The following LTF variants were observed in gnomAD, a reference collection of about 807,000 sequenced individuals.
LTF encodes lactotransferrin.
In LTF, 91 loss-of-function variants were observed where a neutral mutation model predicts 87.2. The observed-to-expected ratio is 1.04, with a 90% CI of 0.88 to 1.24. The LOEUF is 1.24. Among genes scored for constraint, LTF ranks in the 50% most tolerant of loss-of-function variants. The pLI, the probability that LTF is intolerant of heterozygous loss-of-function variation, is 0.00. For missense variants in LTF, 901 were observed against 904.3 expected, an observed-to-expected ratio of 1.00 and a Z score of 0.05; for synonymous variants, 378 against 356.1, an observed-to-expected ratio of 1.06 and a Z score of -0.69.
chr3:46,472,523 T>TGAGA (rs1454860019), intron 1 of LTF, among the ~76,000 whole-genome samples: 27 of 146,322 alleles, frequency 1.8e-4, no homozygotes, highest in African/African-American at 7.3e-4. Context: ...TGTGTGTGTG[T>TGAGA]GTGTGAGAGA....
In LTF at chr3:46,439,347, C is replaced by T. The variant is rs1240033199; in HGVS notation, c.1857G>A (p.Val619=). Residue 619 remains valine, a synonymous_variant, in exon 15 of 17, where the codon GTG becomes GTA. Transcript: ENST00000231751. ...HLAMAPNHAV[V]SRMDKVERLK... is the part of the protein sequence containing the mutation. ...GGCGTTCCACCTTATCCATCCGAGA[C>T]ACCACGGCATGATTCGGGGCCATGG... is the stretch of plus-strand genomic sequence containing the variant. The T allele has an allele frequency of 1.2e-6, 2 of 1,614,102 alleles. No homozygotes were observed. Among genetic ancestry groups the T allele is most frequent in the Non-Finnish European group, 1.7e-6 (2 of 1,180,038 alleles).
chr3:46,478,322 C>G (rs952467208), intron 1 of LTF, among the ~76,000 whole-genome samples: 19 of 152,296 alleles, frequency 1.2e-4, no homozygotes, highest in African/African-American at 3.9e-4. Context: ...CACATCTTCT[C>G]TCTCCCCCTC....
upstream of LTF, among the ~76,000 whole-genome samples, chr3:46,465,504 CA>C (rs1703191262): frequency 6.6e-6 from 1 of 152,234 alleles, no homozygotes; most frequent in Non-Finnish European, 1.5e-5. Flanking sequence ...AGAAAACAGA[CA>C]GGGACCTCAG....
chr3:46,475,272 T>A (rs1224658677), intron 1 of LTF, among the ~76,000 whole-genome samples: 1 of 150,074 alleles, frequency 6.7e-6, no homozygotes, highest in East Asian at 1.9e-4. Context: ...AGCTCATGAT[T>A]TTAAAACTCT....
At chr3:46,464,712 G>A (rs1412997871) in intron 1 of LTF, 113 bp downstream of exon 1, 6 of 1,163,520 alleles carry the variant, frequency 5.2e-6, no homozygotes, top group East Asian at 4.8e-5. Flanking sequence ...CTGGGACCGC[G>A]GGGCGCAGAG....
chr3:46,454,748 C>T (rs887542671), intron 5 of LTF, among the ~76,000 whole-genome samples: 2 of 152,108 alleles, frequency 1.3e-5, no homozygotes, highest in Admixed American at 6.5e-5. Flanking sequence ...TGCAAAAATA[C>T]GCTAGTGCCA....
At chr3:46,454,168 A>AAAATATG in intron 6 of LTF, 137 bp downstream of exon 6, 1 of 778,304 alleles carries the variant, frequency 1.3e-6, no homozygotes, top group Non-Finnish European at 2.2e-6. Context: ...GAAAGATCAT[A>AAAATATG]AAATCAGAGC....
At chr3:46,484,615 G>A (rs1703493137) in intron 1 of LTF, among the ~76,000 whole-genome samples, 1 of 152,190 alleles carries the variant, frequency 6.6e-6, no homozygotes, top group African/African-American at 2.4e-5. Context: ...TGCTGGAACT[G>A]AGCCCTTATG....
chr3:46,442,569 G>A (rs1043879706), intron 13 of LTF, among the ~76,000 whole-genome samples: 4 of 150,582 alleles, frequency 2.7e-5, no homozygotes, highest in African/African-American at 7.3e-5. Flanking sequence ...TTTCTGAGTA[G>A]AATCACATTT....
At chr3:46,454,973 C>T (rs1559601954) in intron 5 of LTF, among the ~76,000 whole-genome samples, 4 of 152,154 alleles carry the variant, frequency 2.6e-5, no homozygotes, top group South Asian at 4.1e-4. Context: ...GTTAGGCAGG[C>T]GGCAGAAATT....
Position 46,454,311 on chromosome 3 carries a change from C to T in LTF, c.697G>A (p.Val233Met). 1 of 1,614,142 alleles carries T rather than the reference C, an allele frequency of 6.2e-7. No individual in the cohort carries two copies. Among genetic ancestry groups the T allele is most frequent in the Non-Finnish European group, 8.5e-7 (1 of 1,179,994 alleles). Reference protein sequence around the residue: ...GDVAFIRESTVFEDLSDEAER... With the variant: ...GDVAFIRESTMFEDLSDEAER... ...CTCATTACCCTGCTCTTACCAAACA[C>T]TGTGCTCTCTCTGATAAAAGCCACG... The change falls in exon 6 of 17, where the codon GTG becomes ATG. Residue 233 changes from valine to methionine, a missense_variant. By Grantham distance (21) the Val-to-Met change is conservative. Transcript: ENST00000231751.
At chr3:46,447,051 C>T (rs1461455650) in intron 10 of LTF, among the ~76,000 whole-genome samples, 1 of 152,118 alleles carries the variant, frequency 6.6e-6, no homozygotes. Context: ...TTTATGTGCA[C>T]TTTTCTGTTT....
At chr3:46,466,342 C>G (rs897901672), upstream of LTF, among the ~76,000 whole-genome samples, 1 of 152,088 alleles carries the variant, frequency 6.6e-6, no homozygotes, top group African/African-American at 2.4e-5. Context: ...TGAGTCTGAC[C>G]AATATGTGAC....
At chr3:46,483,690 G>T (rs1468098243) in intron 1 of LTF, among the ~76,000 whole-genome samples, 1 of 152,126 alleles carries the variant, frequency 6.6e-6, no homozygotes. Flanking sequence ...TCCTTGATTT[G>T]GGTGGTGATT....
chr3:46,465,955 T>G (rs1358120577), upstream of LTF, among the ~76,000 whole-genome samples: 1 of 152,138 alleles, frequency 6.6e-6, no homozygotes, highest in African/African-American at 2.4e-5. Context: ...CAAGAGTAAC[T>G]AGGCAGGGCA....
At chr3:46,482,703 G>A (rs71615446) in intron 1 of LTF, among the ~76,000 whole-genome samples, 6,711 of 92,072 alleles carry the variant, frequency 0.073, 848 homozygotes, top group African/African-American at 0.24. Flanking sequence ...AAGGAAGGAA[G>A]GAAAGAAAGA....
chr3:46,478,295 G>C (rs1027906197), intron 1 of LTF, among the ~76,000 whole-genome samples: 8 of 152,178 alleles, frequency 5.3e-5, no homozygotes, highest in Non-Finnish European at 1.0e-4. Context: ...CCGACTGTCA[G>C]TCTTGGCTTT....
chr3:46,466,715 T>C (rs897841851), upstream of LTF, among the ~76,000 whole-genome samples: 1 of 152,224 alleles, frequency 6.6e-6, no homozygotes, highest in Admixed American at 6.5e-5. Flanking sequence ...TATTGCACCA[T>C]TTAAAGTTGC....
chr3:46,452,043 A>G (rs1018147335), intron 6 of LTF, among the ~76,000 whole-genome samples: 4 of 152,214 alleles, frequency 2.6e-5, no homozygotes, highest in Non-Finnish European at 5.9e-5. Flanking sequence ...AGATCACACA[A>G]TTTACAAAAG....
Sources: allele counts gnomAD v4.1 joint callset (sites outside exome capture counted in the v4.1 genomes callset), GRCh38; gene constraint gnomAD v4.1.1; transcripts MANE v1.5; gene names NCBI Gene and HGNC (gene_info 2026-07-23, HGNC 2026-07-21).